Variants in ZNF362 observed in about 807,000 individuals in gnomAD.
The protein encoded by ZNF362 is zinc finger protein 362, also known as rotund homolog.
Under a neutral mutation model 42.9 loss-of-function variants are expected in ZNF362, and 11 were observed. The ratio of observed to expected loss-of-function variants is 0.26; its 90% confidence interval spans 0.16 to 0.42. The LOEUF is 0.42. ZNF362 is among the 20% of genes least tolerant of loss of function. ZNF362 has a pLI of 1.00. For synonymous variants in ZNF362, 255 were observed against 257.3 expected (o/e 0.99, Z 0.09); for missense variants, 362 against 576.2 (o/e 0.63, Z 3.81).
At chr1:33,269,968 T>TGG (rs1645890218) in intron 1 of ZNF362, among the ~76,000 whole-genome samples, 1 of 152,204 alleles carries the variant, frequency 6.6e-6, no homozygotes. Context: ...GACACCCTTC[T>TGG]GGGACGGAGT....
At chr1:33,179,846 A>G in the ZNF362 span, among the ~76,000 whole-genome samples, 1 of 152,268 alleles carries the variant, frequency 6.6e-6, no homozygotes, top group African/African-American at 2.4e-5. Flanking sequence ...ACAGTAAAAT[A>G]GATTTATTTG....
the ZNF362 span, chr1:33,165,607 C>A: frequency 6.5e-7 from 1 of 1,544,774 alleles, no homozygotes; most frequent in Admixed American, 1.9e-5. The surrounding 1 kb of genome is among the most constrained non-coding windows in gnomAD (Gnocchi z 4.0). Flanking sequence ...AGGGGCCATG[C>A]CTGGCCCAGG....
the ZNF362 span, among the ~76,000 whole-genome samples, chr1:33,167,356 C>G: frequency 6.6e-6 from 1 of 152,180 alleles, no homozygotes; most frequent in Non-Finnish European, 1.5e-5. The surrounding 1 kb of genome is among the most constrained non-coding windows in gnomAD (Gnocchi z 4.2). Flanking sequence ...TGTTCCCTGC[C>G]TTATGCCCAG....
the ZNF362 span, among the ~76,000 whole-genome samples, chr1:33,193,127 A>G: frequency 2.0e-5 from 3 of 152,072 alleles, no homozygotes; most frequent in Non-Finnish European, 4.4e-5. Context: ...TAGAAATGCT[A>G]GGTAAAATAT....
chr1:33,208,122 G>A, the ZNF362 span, among the ~76,000 whole-genome samples: 11 of 152,248 alleles, frequency 7.2e-5, no homozygotes, highest in Non-Finnish European at 1.3e-4. Context: ...AAAGTGTAAG[G>A]AAGGGATCCA....
At chr1:33,283,425 G>T (rs2148114523) in intron 6 of ZNF362, among the ~76,000 whole-genome samples, 1 of 152,306 alleles carries the variant, frequency 6.6e-6, no homozygotes, top group South Asian at 2.1e-4. Flanking sequence ...TCAAATGGCA[G>T]GCTGGGCTCA....
At chr1:33,270,901 G>T (rs1645898190) in intron 2 of ZNF362, among the ~76,000 whole-genome samples, 1 of 152,164 alleles carries the variant, frequency 6.6e-6, no homozygotes, top group Admixed American at 6.5e-5. Flanking sequence ...TGTTCCTGTG[G>T]CTGTGTTTGT....
At chr1:33,239,691 A>C in the ZNF362 span, among the ~76,000 whole-genome samples, 110 of 152,228 alleles carry the variant, frequency 7.2e-4, no homozygotes, top group East Asian at 0.015. Context: ...TATCACGAGA[A>C]CAGCATGGGG....
chr1:33,280,502 G>A lies in ZNF362; in HGVS notation c.683+45G>A. On this transcript the variant is annotated intron_variant, in intron 5 of 8. Coordinates refer to ENST00000539719, the MANE Select transcript of ZNF362 (RefSeq NM_152493.3). The surrounding 1 kb of genome is among the most constrained non-coding windows in gnomAD (Gnocchi z 5.6). ...GGGGTCCGAGTGGGCTTGGGGCTGGGGCTTGAGCCAGGGCTGCTCCAGGAG... is the reference window on the plus strand; with the variant it reads ...GGGGTCCGAGTGGGCTTGGGGCTGGAGCTTGAGCCAGGGCTGCTCCAGGAG... 1 of 1,503,454 alleles carries A rather than the reference G, an allele frequency of 6.7e-7. No homozygotes were observed. Among genetic ancestry groups the A allele is most frequent in the Non-Finnish European group, 8.9e-7 (1 of 1,120,184 alleles). The allele number at this position is 1,503,454 out of a possible 1,614,324, so 93.1% of individuals were successfully genotyped here. A position where few individuals can be genotyped will look rare whatever the true frequency, so the allele number is the denominator to read the frequency against.
the ZNF362 span, among the ~76,000 whole-genome samples, chr1:33,193,932 T>C: frequency 6.6e-6 from 1 of 152,226 alleles, no homozygotes; most frequent in Non-Finnish European, 1.5e-5. Context: ...AGTTCTTTCT[T>C]GAAGGGAGAT....
the ZNF362 span, among the ~76,000 whole-genome samples, chr1:33,241,806 C>T: frequency 2.0e-5 from 3 of 152,132 alleles, no homozygotes; most frequent in African/African-American, 4.8e-5. Context: ...GAACTCCTGG[C>T]CTGGAGCCAT....
the ZNF362 span, chr1:33,176,298 G>A: frequency 3.5e-6 from 2 of 578,866 alleles, no homozygotes; most frequent in East Asian, 2.9e-5. Context: ...GTAAGAGGGT[G>A]TCACCCCCTC....
chr1:33,289,832 C>T (rs1378600068), intron 6 of ZNF362, among the ~76,000 whole-genome samples: 1 of 152,154 alleles, frequency 6.6e-6, no homozygotes, highest in African/African-American at 2.4e-5. Context: ...AAAATAAGTA[C>T]CCATGCAGAG....
the ZNF362 span, among the ~76,000 whole-genome samples, chr1:33,189,646 T>TATATATATATATATATATATATAC: frequency 5.4e-5 from 1 of 18,530 alleles, no homozygotes; most frequent in African/African-American, 1.1e-4. Context: ...TATATATATA[T>TATATATATATATATATATATATAC]ATATATATAT....
the ZNF362 span, chr1:33,165,554 C>T: frequency 6.2e-7 from 1 of 1,608,146 alleles, no homozygotes; most frequent in Non-Finnish European, 8.5e-7. This position sits in a 1 kb window ranked among gnomAD's most constrained non-coding sequence, Gnocchi z 4.0. Context: ...TGAAGTTGGT[C>T]CTTCAGCTCC....
At chr1:33,229,405 CTTTTT>C in the ZNF362 span, among the ~76,000 whole-genome samples, 3 of 136,498 alleles carry the variant, frequency 2.2e-5, no homozygotes, top group Admixed American at 7.4e-5. Flanking sequence ...TCTATTCTGC[CTTTTT>C]TTTTTTTTTT....
chr1:33,246,075 C>T, the ZNF362 span, among the ~76,000 whole-genome samples: 4 of 152,132 alleles, frequency 2.6e-5, no homozygotes, highest in East Asian at 1.9e-4. Context: ...GAGGGAGCAT[C>T]GTCCTGCTGA....
chr1:33,139,374 A>G, the ZNF362 span, among the ~76,000 whole-genome samples: 2 of 152,204 alleles, frequency 1.3e-5, no homozygotes, highest in African/African-American at 2.4e-5. Context: ...TGCACCCAGC[A>G]TGCAAAACCA....
chr1:33,166,391 A>G, the ZNF362 span: 1 of 151,140 alleles, frequency 6.6e-6, no homozygotes, highest in Admixed American at 6.6e-5. Flanking sequence ...CCCTGGTGCT[A>G]AAAAGGTTGG....
Sources: allele counts gnomAD v4.1 joint callset (sites outside exome capture counted in the v4.1 genomes callset), GRCh38; gene constraint gnomAD v4.1.1; non-coding constraint Gnocchi (gnomAD v3.1); transcripts MANE v1.5; gene names NCBI Gene and HGNC (gene_info 2026-07-23, HGNC 2026-07-21).